Variants in FBXL7 observed in about 807,000 individuals in gnomAD.
FBXL7 encodes the protein F-box and leucine rich repeat protein 7, also known as F-box/LRR-repeat protein 7.
Under a neutral mutation model 38.3 loss-of-function variants are expected in FBXL7, and 12 were observed. The observed-to-expected ratio is 0.31, with a 90% CI of 0.20 to 0.51. The LOEUF (loss-of-function observed/expected upper bound fraction) is 0.51. Ranked by LOEUF, FBXL7 falls within the 20% of genes least tolerant of loss-of-function variation. The probability of loss-of-function intolerance (pLI) is 0.98; values close to 1 mark genes in which losing one functional copy is unlikely to be tolerated. For missense variants in FBXL7, 567 were observed against 676.4 expected, an observed-to-expected ratio of 0.84 and a Z score of 1.79; for synonymous variants, 297 against 300.9, an observed-to-expected ratio of 0.99 and a Z score of 0.13.
intron 2 of FBXL7, among the ~76,000 whole-genome samples, chr5:15,619,433 C>T (rs989259236): frequency 1.3e-5 from 2 of 152,208 alleles, no homozygotes; most frequent in African/African-American, 4.8e-5. Context: ...GCCTACCTAA[C>T]TACCTGTAAC....
intron 2 of FBXL7, among the ~76,000 whole-genome samples, chr5:15,726,174 A>G (rs1744345505): frequency 1.3e-5 from 2 of 152,008 alleles, no homozygotes; most frequent in South Asian, 4.2e-4. Flanking sequence ...TAATATAGCC[A>G]CTCCCACTCT....
intron 2 of FBXL7, among the ~76,000 whole-genome samples, chr5:15,733,104 T>C (rs1016711844): frequency 2.5e-5 from 3 of 117,772 alleles, no homozygotes; most frequent in Non-Finnish European, 5.7e-5. Context: ...TCTTTCTTTC[T>C]TTTTTTCTTG....
At chr5:15,699,278 C>T (rs560765785) in intron 2 of FBXL7, among the ~76,000 whole-genome samples, 1 of 152,258 alleles carries the variant, frequency 6.6e-6, no homozygotes, top group South Asian at 2.1e-4. Flanking sequence ...GTTCTGGAGG[C>T]TAGAAGTCCA....
At chr5:15,827,244 GT>G (rs898141172) in intron 2 of FBXL7, among the ~76,000 whole-genome samples, 4 of 151,258 alleles carry the variant, frequency 2.6e-5, no homozygotes, top group Admixed American at 2.6e-4. Context: ...TGTCTGTTTT[GT>G]TTTTTTGGTT....
At chr5:15,680,247 G>A (rs1235301035) in intron 2 of FBXL7, among the ~76,000 whole-genome samples, 1 of 152,070 alleles carries the variant, frequency 6.6e-6, no homozygotes, top group Non-Finnish European at 1.5e-5. Context: ...AGTATCATTT[G>A]TTAGAAAAAT....
chr5:15,757,272 T>C (rs987070543), intron 2 of FBXL7, among the ~76,000 whole-genome samples: 2 of 152,042 alleles, frequency 1.3e-5, no homozygotes, highest in Non-Finnish European at 2.9e-5. Flanking sequence ...TAGGAATAAC[T>C]CAAAACCAGA....
At chr5:15,935,882 A>G (rs1376496450) in intron 3 of FBXL7, among the ~76,000 whole-genome samples, 1 of 152,208 alleles carries the variant, frequency 6.6e-6, no homozygotes, top group East Asian at 1.9e-4. Context: ...GAGAAGCAGC[A>G]ACGTTAAGCC....
At position 15,824,817 on chromosome 5, in the gene FBXL7, T is replaced by C. The variant is rs370750983; in HGVS notation, c.128-103073T>C. Among the ~76,000 whole-genome samples the C allele has an allele frequency of 2.4e-3, 358 of 152,310 alleles. 2 individuals are homozygous for C. The highest frequency in any genetic ancestry group is 8.3e-3 in the African/African-American group (343 of 41,562). On this transcript the variant is annotated intron_variant, in intron 2 of 3. Transcript: ENST00000504595. ...AGTTTCAGGGTCCTCTCAGTAGTTT[T>C]TGAAAGCTGTTTCCTGAATCATAAA... is the stretch of plus-strand genomic sequence containing the variant.
At chr5:15,924,536 T>C (rs1281165920) in intron 2 of FBXL7, among the ~76,000 whole-genome samples, 1 of 152,178 alleles carries the variant, frequency 6.6e-6, no homozygotes, top group Non-Finnish European at 1.5e-5. Flanking sequence ...CTGTGGTTCA[T>C]CTGGGTATTG....
intron 2 of FBXL7, among the ~76,000 whole-genome samples, chr5:15,623,096 G>C (rs572621407): frequency 1.2e-4 from 19 of 152,262 alleles, no homozygotes; most frequent in African/African-American, 3.8e-4. Flanking sequence ...CATAACTTTC[G>C]CTATTTAATT....
At chr5:15,819,142 A>G (rs934352939) in intron 2 of FBXL7, among the ~76,000 whole-genome samples, 13 of 152,198 alleles carry the variant, frequency 8.5e-5, no homozygotes, top group Non-Finnish European at 1.8e-4. Flanking sequence ...AAACCATAGT[A>G]TCTCTGTCGC....
rs1740170893 is a variant in FBXL7 at position 15,875,663 on chromosome 5, G to C, written c.128-52227G>C. Reference sequence around the variant, plus strand: ...CAAACATGAAAAAAAGCTCATCGTCGCTGGCCATTAGAGAAATGCAAATCA... The same window carrying C: ...CAAACATGAAAAAAAGCTCATCGTCCCTGGCCATTAGAGAAATGCAAATCA... On this transcript the variant is annotated intron_variant, in intron 2 of 3. Coordinates refer to ENST00000504595, the MANE Select transcript of FBXL7 (RefSeq NM_012304.5). 2.6e-5 allele frequency among the ~76,000 whole-genome samples: 4 copies of C among 152,148 alleles called. 1 individual carries two copies. In the South Asian group the frequency reaches 8.3e-4, roughly 32 times the overall value.
chr5:15,814,338 A>G (rs546859572), intron 2 of FBXL7, among the ~76,000 whole-genome samples: 1 of 152,270 alleles, frequency 6.6e-6, no homozygotes, highest in South Asian at 2.1e-4. Context: ...CAGAAAACCA[A>G]ACACTGCATG....
chr5:15,880,172 C>A (rs573797733), intron 2 of FBXL7, among the ~76,000 whole-genome samples: 2 of 152,172 alleles, frequency 1.3e-5, no homozygotes, highest in East Asian at 3.9e-4. Context: ...GCTGGTGCTG[C>A]CTCTACCATT....
chr5:15,833,026 T>A (rs1455110749), intron 2 of FBXL7, among the ~76,000 whole-genome samples: 2 of 152,178 alleles, frequency 1.3e-5, no homozygotes, highest in African/African-American at 4.8e-5. Context: ...TTCTCTTGTC[T>A]GCCCTCATAT....
At chr5:15,749,923 G>A (rs572597027) in intron 2 of FBXL7, among the ~76,000 whole-genome samples, 23 of 152,292 alleles carry the variant, frequency 1.5e-4, no homozygotes, top group African/African-American at 5.5e-4. Context: ...CTGTATACTT[G>A]CAGGTAAGGG....
At chr5:15,690,871 G>A (rs1743160520) in intron 2 of FBXL7, among the ~76,000 whole-genome samples, 1 of 152,148 alleles carries the variant, frequency 6.6e-6, no homozygotes, top group Non-Finnish European at 1.5e-5. Context: ...AGGGAGTTCA[G>A]TACTGCTGTA....
intron 2 of FBXL7, among the ~76,000 whole-genome samples, chr5:15,819,937 A>G (rs1738126730): frequency 6.6e-6 from 1 of 152,224 alleles, no homozygotes; most frequent in South Asian, 2.1e-4. Flanking sequence ...GGCCTGCAGC[A>G]AAGCTCTTCT....
At chr5:15,534,404 GA>G (rs1296055020) in intron 1 of FBXL7, among the ~76,000 whole-genome samples, 1 of 152,118 alleles carries the variant, frequency 6.6e-6, no homozygotes, top group Non-Finnish European at 1.5e-5. Flanking sequence ...TCATGTAGTT[GA>G]AATCATATAG....
Sources: allele counts gnomAD v4.1 joint callset (sites outside exome capture counted in the v4.1 genomes callset), GRCh38; gene constraint gnomAD v4.1.1; transcripts MANE v1.5; gene names NCBI Gene and HGNC (gene_info 2026-07-23, HGNC 2026-07-21).